Variants in DCC observed in about 807,000 individuals in gnomAD.
DCC encodes netrin receptor DCC.
Under a neutral mutation model 172.5 loss-of-function variants are expected in DCC, and 58 were observed. The ratio of observed to expected loss-of-function variants is 0.34; its 90% CI spans 0.27 to 0.42. DCC has a LOEUF of 0.42. Among genes scored for constraint, DCC ranks in the 10% least tolerant of loss-of-function variants. The pLI is 1.00. For missense variants in DCC, 1,740 were observed against 1,791.0 expected (o/e 0.97, Z 0.51); for synonymous variants, 709 against 644.5 (o/e 1.10, Z -1.52).
At position 52,792,374 on chromosome 18, in the gene DCC, G is replaced by T. The variant is rs138515571; in HGVS notation, c.412+40000G>T. Among the ~76,000 whole-genome samples the T allele has an allele frequency of 1.7e-3, 256 of 151,788 alleles. No individual in the cohort carries two copies. The East Asian group carries it at 0.023, about 14-fold the overall frequency. ...AGATGTGATGGTCATGGACGAGAAAGGAGGAAATTATGATAGGAAAGTTGG... is the reference window on the plus strand; with the variant it reads ...AGATGTGATGGTCATGGACGAGAAATGAGGAAATTATGATAGGAAAGTTGG... On this transcript the variant is annotated intron_variant, in intron 2 of 28. Coordinates refer to ENST00000442544, the MANE Select transcript of DCC (RefSeq NM_005215.4).
intron 1 of DCC, among the ~76,000 whole-genome samples, chr18:52,655,645 G>T (rs545329057): frequency 6.6e-6 from 1 of 151,950 alleles, no homozygotes; most frequent in East Asian, 1.9e-4. Context: ...TTTATATGCA[G>T]ATTAAATAAG....
chr18:52,417,274 AC>A lies in DCC; in HGVS notation c.91+76399del, dbSNP rs535758473. ...GTCTGATGGGCTTCCCTTGTGGGTA[AC>A]CCGACCTTTCTCTCTGGCTGCCCTT... On this transcript the variant is annotated intron_variant, in intron 1 of 28. Coordinates refer to ENST00000442544, the MANE Select transcript of DCC (RefSeq NM_005215.4). Among the ~76,000 whole-genome samples the A allele has an allele frequency of 1.1e-4, 17 of 152,224 alleles. No homozygotes were observed. In the South Asian group the frequency reaches 2.9e-3, roughly 26 times the overall value.
At chr18:53,240,675 A>G (rs2056279234) in intron 12 of DCC, among the ~76,000 whole-genome samples, 1 of 152,174 alleles carries the variant, frequency 6.6e-6, no homozygotes, top group Non-Finnish European at 1.5e-5. Flanking sequence ...TCCAACTCTC[A>G]TGAGATTGTC....
chr18:53,362,820 A>G (rs896670486), intron 15 of DCC, among the ~76,000 whole-genome samples: 2 of 152,144 alleles, frequency 1.3e-5, no homozygotes, highest in Non-Finnish European at 2.9e-5. Context: ...AGTAGATATT[A>G]TTACTTACGC....
At chr18:52,869,415 T>A (rs2039281928) in intron 2 of DCC, among the ~76,000 whole-genome samples, 1 of 152,028 alleles carries the variant, frequency 6.6e-6, no homozygotes, top group Non-Finnish European at 1.5e-5. Flanking sequence ...ATCCTCAGAG[T>A]GGAGGAAGTG....
intron 7 of DCC, among the ~76,000 whole-genome samples, chr18:53,070,871 C>A (rs1239839592): frequency 2.0e-5 from 3 of 152,152 alleles, no homozygotes; most frequent in African/African-American, 4.8e-5. Context: ...GAATGCCACT[C>A]CAATTCCTCA....
At chr18:52,834,074 T>C (rs1184888266) in intron 2 of DCC, among the ~76,000 whole-genome samples, 1 of 152,114 alleles carries the variant, frequency 6.6e-6, no homozygotes, top group Non-Finnish European at 1.5e-5. Context: ...ATCTGTGGCT[T>C]AGCACTGTGT....
At chr18:52,947,998 TA>T (rs904857721) in intron 5 of DCC, among the ~76,000 whole-genome samples, 11 of 152,244 alleles carry the variant, frequency 7.2e-5, no homozygotes, top group African/African-American at 2.6e-4. Flanking sequence ...TCTAACCATT[TA>T]AAAAATACAT....
chr18:52,802,542 A>G (rs1254471402), intron 2 of DCC, among the ~76,000 whole-genome samples: 5 of 147,182 alleles, frequency 3.4e-5, no homozygotes, highest in East Asian at 2.1e-4. Context: ...TGGCATGAAC[A>G]GGGCCGACTG....
At chr18:52,385,888 G>A (rs865834825) in intron 1 of DCC, among the ~76,000 whole-genome samples, 2 of 151,924 alleles carry the variant, frequency 1.3e-5, no homozygotes, top group Non-Finnish European at 2.9e-5. Context: ...TTGGTGCTGC[G>A]AGCTATAATA....
chr18:53,484,238 C>G (rs2045875209), intron 25 of DCC, among the ~76,000 whole-genome samples: 1 of 151,728 alleles, frequency 6.6e-6, no homozygotes, highest in African/African-American at 2.4e-5. Flanking sequence ...GTATTTGTTA[C>G]TCATTCAAGT....
At chr18:52,582,770 C>T (rs2033581860) in intron 1 of DCC, among the ~76,000 whole-genome samples, 4 of 152,082 alleles carry the variant, frequency 2.6e-5, no homozygotes, top group Admixed American at 2.6e-4. Flanking sequence ...AGCTAGCCAC[C>T]AGCTGTGAAA....
At chr18:52,651,783 G>A (rs2035136322) in intron 1 of DCC, among the ~76,000 whole-genome samples, 2 of 152,122 alleles carry the variant, frequency 1.3e-5, no homozygotes, top group South Asian at 4.1e-4. Flanking sequence ...ACAGAGAGGA[G>A]TTAGCCTCAG....
At chr18:52,700,864 G>C (rs1466511808) in intron 1 of DCC, among the ~76,000 whole-genome samples, 10 of 152,160 alleles carry the variant, frequency 6.6e-5, no homozygotes, top group Admixed American at 6.5e-4. Context: ...TTAAAGTAAA[G>C]GTATTATTGC....
intron 5 of DCC, among the ~76,000 whole-genome samples, chr18:52,997,243 G>A (rs1215796020): frequency 6.6e-6 from 1 of 152,094 alleles, no homozygotes; most frequent in Non-Finnish European, 1.5e-5. Flanking sequence ...AGCTGTCTCT[G>A]ACAGATATCT....
At chr18:53,511,962 C>G (rs1212633587) in intron 27 of DCC, among the ~76,000 whole-genome samples, 1 of 152,208 alleles carries the variant, frequency 6.6e-6, no homozygotes, top group African/African-American at 2.4e-5. Context: ...GTGGAGCCCA[C>G]CACAGCTCAA....
chr18:53,264,549 A>G (rs945825037), intron 12 of DCC, among the ~76,000 whole-genome samples: 3 of 151,862 alleles, frequency 2.0e-5, no homozygotes, highest in Non-Finnish European at 4.4e-5. Context: ...TCCCCATGCA[A>G]TGCTCTTGGC....
chr18:53,403,321 C>T (rs1023441036), intron 19 of DCC, among the ~76,000 whole-genome samples: 7 of 151,926 alleles, frequency 4.6e-5, no homozygotes, highest in African/African-American at 9.7e-5. Context: ...ATGGCACATA[C>T]GGAGGTTTGG....
chr18:52,698,743 C>A (rs1375087933), intron 1 of DCC, among the ~76,000 whole-genome samples: 1 of 150,428 alleles, frequency 6.6e-6, no homozygotes. Context: ...GGATTACAGG[C>A]TCCCGCCACC....
Sources: allele counts gnomAD v4.1 joint callset (sites outside exome capture counted in the v4.1 genomes callset), GRCh38; gene constraint gnomAD v4.1.1; transcripts MANE v1.5; gene names NCBI Gene and HGNC (gene_info 2026-07-23, HGNC 2026-07-21).